CACNA1A: variants seen among roughly 807,000 people sequenced by gnomAD.
CACNA1A encodes the protein calcium voltage-gated channel subunit alpha1 A, also known as voltage-dependent P/Q-type calcium channel subunit alpha-1A.
In CACNA1A, 57 loss-of-function variants were observed where a neutral mutation model predicts 262.4. The observed-to-expected ratio is 0.22, with a 90% CI of 0.18 to 0.27. The LOEUF is 0.27. Among genes scored for constraint, CACNA1A ranks in the 10% least tolerant of loss-of-function variants. CACNA1A has a pLI of 1.00. For synonymous variants in CACNA1A, 1,431 were observed against 1,419.3 expected (o/e 1.01, Z -0.18); for missense variants, 2,526 against 3,562.8 (o/e 0.71, Z 7.41).
intron 10 of CACNA1A, among the ~76,000 whole-genome samples, chr19:13,325,793 C>T (rs545406121): frequency 3.3e-5 from 5 of 152,238 alleles, no homozygotes; most frequent in African/African-American, 1.2e-4. Context: ...CAGGCTGTAT[C>T]TATTTATAGT....
At chr19:13,366,466 T>C (rs553936805) in intron 4 of CACNA1A, among the ~76,000 whole-genome samples, 1 of 152,040 alleles carries the variant, frequency 6.6e-6, no homozygotes, top group South Asian at 2.1e-4. Flanking sequence ...AATAAATCTA[T>C]ATATATATTT....
At chr19:13,422,709 T>C (rs1172187971) in intron 3 of CACNA1A, among the ~76,000 whole-genome samples, 1 of 152,186 alleles carries the variant, frequency 6.6e-6, no homozygotes, top group Non-Finnish European at 1.5e-5. Context: ...GACCCAGCAG[T>C]TAAAGTCAGT....
chr19:13,298,364 C>T (rs2057712469), intron 19 of CACNA1A, among the ~76,000 whole-genome samples, 180 bp downstream of exon 19: 1 of 137,488 alleles, frequency 7.3e-6, no homozygotes, highest in Non-Finnish European at 1.6e-5. Flanking sequence ...CTCCTGACCT[C>T]GTGATCCATC....
chr19:13,434,631 C>A lies in CACNA1A; in HGVS notation c.539+18245G>T, dbSNP rs142194667. On this transcript the variant is annotated intron_variant, in intron 3 of 46. Coordinates refer to ENST00000360228, the MANE Select transcript of CACNA1A (RefSeq NM_001127222.2). ...TCCTGTTCTGGCCATGTGAGGACAC[C>A]TGCTCCAGCTTTACCTTCTGCCATG... 7.7e-3 allele frequency among the ~76,000 whole-genome samples: 1,168 copies of A among 152,206 alleles called. 9 individuals carry two copies. The highest frequency in any genetic ancestry group is 0.011 in the Non-Finnish European group (744 of 68,030).
intron 18 of CACNA1A, among the ~76,000 whole-genome samples, 174 bp downstream of exon 18, chr19:13,300,376 A>G (rs1247446147): frequency 6.6e-6 from 1 of 152,032 alleles, no homozygotes; most frequent in Non-Finnish European, 1.5e-5. Context: ...TGCTGGGTAC[A>G]TAACAGCTGC....
intron 6 of CACNA1A, among the ~76,000 whole-genome samples, chr19:13,353,550 G>A (rs1296060138): frequency 6.6e-6 from 1 of 152,116 alleles, no homozygotes; most frequent in Non-Finnish European, 1.5e-5. Context: ...GTATTTAACT[G>A]ATCTCCTATT....
chr19:13,334,518 G>A, intron 7 of CACNA1A, 25 bp from the exon 8 acceptor site: 2 of 1,258,134 alleles, frequency 1.6e-6, no homozygotes, highest in Non-Finnish European at 1.2e-6. Context: ...AAAAGCCAGA[G>A]TATGGCTGTT....
chr19:13,214,147 C>T lies in CACNA1A; in HGVS notation c.5940+86G>A. On this transcript the variant is annotated intron_variant, in intron 40 of 46. Coordinates refer to ENST00000360228, the MANE Select transcript of CACNA1A (RefSeq NM_001127222.2). The surrounding 1 kb of genome is among the most constrained non-coding windows in gnomAD (Gnocchi z 4.1). ...TTCAGGGACCTGCCCTGGGGCTCAGCCACCCTCATATTCCAGTTGGTTCCC... is the reference window on the plus strand; with the variant it reads ...TTCAGGGACCTGCCCTGGGGCTCAGTCACCCTCATATTCCAGTTGGTTCCC... 9.0e-7 allele frequency: 1 copy of T among 1,111,530 alleles called. No homozygotes were observed. Among genetic ancestry groups the T allele is most frequent in the Admixed American group, 2.0e-5 (1 of 50,044 alleles). 68.9% of individuals were successfully genotyped at this position (1,111,530 alleles called of 1,614,324 possible).
chr19:13,293,428 C>T (rs1021960619), intron 19 of CACNA1A, among the ~76,000 whole-genome samples: 9 of 140,698 alleles, frequency 6.4e-5, no homozygotes, highest in African/African-American at 2.0e-4. Flanking sequence ...CACGTACTAA[C>T]TCAGTTAAAT....
chr19:13,349,645 A>G (rs541259061), intron 6 of CACNA1A, among the ~76,000 whole-genome samples: 1 of 152,134 alleles, frequency 6.6e-6, no homozygotes, highest in Admixed American at 6.5e-5. Flanking sequence ...CCTCAATCCT[A>G]TTTGCTGTGG....
At chr19:13,497,503 A>T (rs1981693012) in intron 1 of CACNA1A, among the ~76,000 whole-genome samples, 1 of 38,800 alleles carries the variant, frequency 2.6e-5, no homozygotes, top group African/African-American at 1.0e-4. Context: ...AAAAAAAAAA[A>T]AAAAAAAAAA....
At chr19:13,419,018 C>T (rs1225747929) in intron 3 of CACNA1A, among the ~76,000 whole-genome samples, 1 of 152,076 alleles carries the variant, frequency 6.6e-6, no homozygotes. Flanking sequence ...CTCAGCCTCC[C>T]GAATAGCTGG....
intron 6 of CACNA1A, among the ~76,000 whole-genome samples, chr19:13,340,270 A>G (rs1364838860): frequency 1.3e-5 from 2 of 151,726 alleles, no homozygotes; most frequent in African/African-American, 4.8e-5. Context: ...AAGCTTGGGA[A>G]CCTCTGGCCA....
At chr19:13,391,952 G>T (rs577615101) in intron 3 of CACNA1A, among the ~76,000 whole-genome samples, 3 of 150,722 alleles carry the variant, frequency 2.0e-5, no homozygotes, top group African/African-American at 7.3e-5. Context: ...TGGGAGAATC[G>T]CATGAGCCCG....
intron 3 of CACNA1A, among the ~76,000 whole-genome samples, chr19:13,425,734 C>T (rs561506765): frequency 1.8e-4 from 28 of 152,116 alleles, no homozygotes; most frequent in African/African-American, 2.9e-4. Flanking sequence ...TCGCCTTCAT[C>T]GCAGGCCTCA....
chr19:13,344,793 C>T (rs10411366), intron 6 of CACNA1A, among the ~76,000 whole-genome samples: 17,036 of 151,832 alleles, frequency 0.11, 1,326 homozygotes, highest in East Asian at 0.37. Flanking sequence ...CTCACTCTGT[C>T]GCCCAGACTG....
At position 13,372,674 on chromosome 19, in the gene CACNA1A, A is replaced by G. The variant is rs1352844036; in HGVS notation, c.540-895T>C. Among the ~76,000 whole-genome samples the G allele has an allele frequency of 3.9e-5, 6 of 152,172 alleles. No individual in the cohort carries two copies. The East Asian group carries it at 1.2e-3, about 29-fold the overall frequency. On this transcript the variant is annotated intron_variant, in intron 3 of 46. Transcript: ENST00000360228. ...CCTCCAAGGGTTGTGAGGATTCAGTAAGTTGACAAAAAGTGGTCAGCACAA... is the reference window on the plus strand; with the variant it reads ...CCTCCAAGGGTTGTGAGGATTCAGTGAGTTGACAAAAAGTGGTCAGCACAA...
At chr19:13,314,848 T>G (rs7246035) in intron 11 of CACNA1A, among the ~76,000 whole-genome samples, 1 of 151,914 alleles carries the variant, frequency 6.6e-6, no homozygotes, top group Non-Finnish European at 1.5e-5. Context: ...GAGATCTTAG[T>G]GTCTGAGGGG....
intron 7 of CACNA1A, among the ~76,000 whole-genome samples, chr19:13,334,770 C>T (rs187313047): frequency 6.6e-6 from 1 of 152,094 alleles, no homozygotes; most frequent in Admixed American, 6.6e-5. Context: ...CACAGTGGCT[C>T]ATGTCTGTAA....
Sources: allele counts gnomAD v4.1 joint callset (sites outside exome capture counted in the v4.1 genomes callset), GRCh38; gene constraint gnomAD v4.1.1; non-coding constraint Gnocchi (gnomAD v3.1); transcripts MANE v1.5; gene names NCBI Gene and HGNC (gene_info 2026-07-23, HGNC 2026-07-21).